Variants in ADGRL4 observed in about 807,000 individuals in gnomAD.
The protein encoded by ADGRL4 is adhesion G protein-coupled receptor L4.
In ADGRL4, 90 loss-of-function variants were observed where a neutral mutation model predicts 74.8. The ratio of observed to expected loss-of-function variants is 1.20; its 90% confidence interval spans 1.02 to 1.43. ADGRL4 has a LOEUF of 1.43. ADGRL4 is among the 40% of genes most tolerant of loss of function. The pLI is 0.00. For missense variants in ADGRL4, 881 were observed against 814.3 expected (o/e 1.08, Z -1.00); for synonymous variants, 311 against 279.2 (o/e 1.11, Z -1.14).
intron 12 of ADGRL4, among the ~76,000 whole-genome samples, chr1:78,905,213 T>C (rs1471939352): frequency 6.6e-6 from 1 of 152,090 alleles, no homozygotes; most frequent in Non-Finnish European, 1.5e-5. Flanking sequence ...GCATTTATCA[T>C]TTGTGTAAAC....
At chr1:78,975,351 T>C (rs944947270) in intron 2 of ADGRL4, among the ~76,000 whole-genome samples, 1 of 152,048 alleles carries the variant, frequency 6.6e-6, no homozygotes, top group African/African-American at 2.4e-5. Context: ...GTAAATCCTA[T>C]ATTTAAAAAA....
intron 2 of ADGRL4, among the ~76,000 whole-genome samples, chr1:78,959,413 A>G (rs1649899097): frequency 6.6e-6 from 1 of 152,202 alleles, no homozygotes; most frequent in African/African-American, 2.4e-5. Context: ...ATTGGTTATG[A>G]CACCATCACA....
chr1:78,981,784 T>C (rs1163081694), intron 2 of ADGRL4, among the ~76,000 whole-genome samples: 1 of 151,902 alleles, frequency 6.6e-6, no homozygotes, highest in East Asian at 1.9e-4. Flanking sequence ...TGTTATGAAT[T>C]AAGTATAAAT....
chr1:78,931,987 T>C (rs1304805388), intron 7 of ADGRL4, among the ~76,000 whole-genome samples: 3 of 151,428 alleles, frequency 2.0e-5, no homozygotes, highest in Non-Finnish European at 4.4e-5. Flanking sequence ...GTGGGAGACT[T>C]TGACGCCCCA....
chr1:78,967,282 A>G (rs1170286553), intron 2 of ADGRL4, among the ~76,000 whole-genome samples: 2 of 152,230 alleles, frequency 1.3e-5, no homozygotes, highest in South Asian at 4.1e-4. Flanking sequence ...TTTGAGAACT[A>G]TCTGACTTGC....
chr1:78,916,488 A>G (rs991381317), intron 12 of ADGRL4, among the ~76,000 whole-genome samples: 25 of 151,902 alleles, frequency 1.6e-4, no homozygotes, highest in African/African-American at 6.0e-4. Flanking sequence ...AAATTAACTC[A>G]ACTTGTTTTA....
intron 2 of ADGRL4, among the ~76,000 whole-genome samples, chr1:78,998,263 T>A (rs1387438993): frequency 2.0e-5 from 3 of 152,054 alleles, no homozygotes; most frequent in African/African-American, 7.2e-5. Context: ...CTTTTTTTTT[T>A]TTTTCAATTC....
chr1:78,919,670 C>A (rs1418057003), intron 10 of ADGRL4, among the ~76,000 whole-genome samples: 1 of 151,834 alleles, frequency 6.6e-6, no homozygotes, highest in Non-Finnish European at 1.5e-5. Context: ...CATCTTAACA[C>A]CTGCTTCTAG....
intron 8 of ADGRL4, among the ~76,000 whole-genome samples, chr1:78,924,197 T>G (rs78053776): frequency 0.089 from 13,459 of 151,916 alleles, 790 homozygotes; most frequent in East Asian, 0.33. Context: ...TCTAGAAAGA[T>G]CTGAGAAAAA....
intron 2 of ADGRL4, among the ~76,000 whole-genome samples, chr1:78,980,106 C>A (rs1419349391): frequency 3.3e-5 from 5 of 151,624 alleles, no homozygotes. Flanking sequence ...TTTTTTCTAG[C>A]AGCATTTCTA....
chr1:78,955,012 T>C (rs1649800240), intron 2 of ADGRL4, among the ~76,000 whole-genome samples: 1 of 152,126 alleles, frequency 6.6e-6, no homozygotes, highest in African/African-American at 2.4e-5. Flanking sequence ...TAAATATTAT[T>C]CTAAATCGTG....
intron 8 of ADGRL4, among the ~76,000 whole-genome samples, chr1:78,924,562 C>A (rs940263652): frequency 7.9e-5 from 12 of 152,026 alleles, no homozygotes; most frequent in African/African-American, 2.9e-4. Flanking sequence ...GGCTACAGAG[C>A]CTTGGAAAGG....
At chr1:78,924,978 G>T (rs1377080512) in intron 8 of ADGRL4, among the ~76,000 whole-genome samples, 1 of 151,984 alleles carries the variant, frequency 6.6e-6, no homozygotes, top group Non-Finnish European at 1.5e-5. Context: ...TGGTTTTTTG[G>T]TTGAAGATGA....
chr1:78,996,341 C>T (rs1294039324), intron 2 of ADGRL4, among the ~76,000 whole-genome samples: 1 of 152,004 alleles, frequency 6.6e-6, no homozygotes, highest in Non-Finnish European at 1.5e-5. Context: ...GTTAAGTCAG[C>T]TAATATATTC....
At chr1:78,927,181 A>T (rs1296053443) in intron 7 of ADGRL4, 90 bp from the exon 8 acceptor site, 9 of 832,640 alleles carry the variant, frequency 1.1e-5, no homozygotes, top group Non-Finnish European at 1.7e-5. Flanking sequence ...GAATAGACAA[A>T]CATTTTACTT....
intron 2 of ADGRL4, among the ~76,000 whole-genome samples, chr1:78,956,171 G>T (rs1359185846): frequency 6.6e-6 from 1 of 152,096 alleles, no homozygotes; most frequent in African/African-American, 2.4e-5. Context: ...ACAAAAATTA[G>T]CAGGACTTTG....
Position 78,890,973 on chromosome 1 carries a change from G to A in ADGRL4, c.*181C>T. 1.6e-6 allele frequency: 1 copy of A among 637,436 alleles called. No individual in the cohort carries two copies. The highest frequency in any genetic ancestry group is 2.8e-6 in the Non-Finnish European group (1 of 354,436). The allele number at this position is 637,436 out of a possible 1,614,324, so 39.5% of individuals were successfully genotyped here. ...ATAGAAAAACATAGTATATCTATAT[G>A]ATACATAATTTTACCTTATTATCTA... On this transcript the variant is annotated 3_prime_UTR_variant, in exon 15 of 15. Transcript: ENST00000370742.
At chr1:78,969,051 T>C (rs965338681) in intron 2 of ADGRL4, among the ~76,000 whole-genome samples, 1 of 152,184 alleles carries the variant, frequency 6.6e-6, no homozygotes, top group African/African-American at 2.4e-5. Context: ...TGCTGATCTT[T>C]GTTTTGTTTT....
intron 2 of ADGRL4, among the ~76,000 whole-genome samples, chr1:78,993,320 G>A (rs961104360): frequency 6.6e-6 from 1 of 152,024 alleles, no homozygotes; most frequent in Non-Finnish European, 1.5e-5. Context: ...ATGTGAAATT[G>A]TAACAGCATA....
Sources: allele counts gnomAD v4.1 joint callset (sites outside exome capture counted in the v4.1 genomes callset), GRCh38; gene constraint gnomAD v4.1.1; transcripts MANE v1.5; gene names NCBI Gene and HGNC (gene_info 2026-07-23, HGNC 2026-07-21).